The following GCFC2 variants were observed in gnomAD, a reference collection of about 807,000 sequenced individuals.
GCFC2 encodes the protein GC-rich sequence DNA-binding factor 2, also known as intron Large complex component GCFC2.
Under a neutral mutation model 99.4 loss-of-function variants are expected in GCFC2, and 102 were observed. The observed-to-expected ratio is 1.03, with a 90% confidence interval of 0.87 to 1.21. GCFC2 has a LOEUF of 1.21. Ranked by LOEUF, GCFC2 falls within the 50% of genes most tolerant of loss-of-function variation. The pLI is 0.00. For missense variants in GCFC2, 973 were observed against 920.9 expected, an observed-to-expected ratio of 1.06 and a Z score of -0.73; for synonymous variants, 338 against 316.8, an observed-to-expected ratio of 1.07 and a Z score of -0.71.
chr2:75,697,695 T>C (rs973768637), intron 4 of GCFC2: 1 of 152,256 alleles, frequency 6.6e-6, no homozygotes, highest in African/African-American at 2.4e-5. Context: ...TGGCAAAAGA[T>C]GTAATTAAGA....
upstream of GCFC2, among the ~76,000 whole-genome samples, chr2:75,712,570 C>T (rs902781383): frequency 3.3e-5 from 5 of 152,134 alleles, no homozygotes; most frequent in African/African-American, 1.2e-4. Flanking sequence ...CAGTGGCAAC[C>T]CGCTCCGGTC....
At chr2:75,710,357 G>T in intron 1 of GCFC2, 1 of 973,436 alleles carries the variant, frequency 1.0e-6, no homozygotes. Context: ...CCTCCCAACT[G>T]TACACGATTG....
intron 11 of GCFC2, among the ~76,000 whole-genome samples, chr2:75,680,592 A>T (rs2104284597): frequency 6.6e-6 from 1 of 152,228 alleles, no homozygotes; most frequent in Admixed American, 6.5e-5. Flanking sequence ...TGGCTGGAAA[A>T]ACAAACACAT....
chr2:75,678,974 G>C (rs1179012294), intron 12 of GCFC2, among the ~76,000 whole-genome samples: 1 of 152,134 alleles, frequency 6.6e-6, no homozygotes, highest in Admixed American at 6.5e-5. Flanking sequence ...AGATATACAG[G>C]CGTGATCTGC....
Position 75,673,529 on chromosome 2 carries a change from A to T in GCFC2, c.1813-9T>A. 8.9e-7 allele frequency: 1 copy of T among 1,121,528 alleles called. No individual in the cohort carries two copies. Among genetic ancestry groups the T allele is most frequent in the Non-Finnish European group, 1.4e-6 (1 of 735,798 alleles). 69.5% of individuals were successfully genotyped at this position (1,121,528 alleles called of 1,614,324 possible). On this transcript the variant is annotated splice_polypyrimidine_tract_variant and intron_variant, in intron 12 of 16. Coordinates refer to ENST00000321027, the MANE Select transcript of GCFC2 (RefSeq NM_003203.5). ...ATGGATTTAAGTAAATCCTATTATT[A>T]CAAATTTGAAAAGCATCAGTGATAG...
intron 2 of GCFC2, 53 bp downstream of exon 2, chr2:75,706,470 A>G (rs1024932556): frequency 8.3e-6 from 10 of 1,200,854 alleles, no homozygotes; most frequent in African/African-American, 4.5e-5. Context: ...AACTATATCA[A>G]AAACACTATA....
chr2:75,689,263 G>A, intron 9 of GCFC2, 38 bp from the exon 10 acceptor site: 1 of 1,179,730 alleles, frequency 8.5e-7, no homozygotes. Context: ...ATTTTAAGTT[G>A]TGAACTTTAA....
chr2:75,664,774 G>T lies in GCFC2; in HGVS notation c.2238C>A (p.Val746=). The change falls in exon 17 of 17, where the codon GTC becomes GTA. Residue 746 remains valine (V), a synonymous_variant. Transcript: ENST00000321027. ...KLSRSEFRDE[V]EEIILILVKI... ...TCACCAAAATAAGAATTATTTCTTC[G>T]ACTTCATCCCTGAAAAACAAAACAA... The T allele has an allele frequency of 6.7e-7, 1 of 1,489,840 alleles. No homozygotes were observed. Among genetic ancestry groups the T allele is most frequent in the South Asian group, 1.1e-5 (1 of 87,786 alleles). The allele number at this position is 1,489,840 out of a possible 1,614,324, so 92.3% of individuals were successfully genotyped here. A position where few individuals can be genotyped will look rare whatever the true frequency, so the allele number is the denominator to read the frequency against.
At chr2:75,693,989 G>A (rs1337320381) in intron 6 of GCFC2, among the ~76,000 whole-genome samples, 1 of 151,656 alleles carries the variant, frequency 6.6e-6, no homozygotes, top group Non-Finnish European at 1.5e-5. Flanking sequence ...TCATTTTCAA[G>A]GAATTTTCCT....
rs145493223 is a variant in GCFC2, at chr2:75,673,796, G to A, written c.1813-276C>T. On this transcript the variant is annotated intron_variant, in intron 12 of 16. Transcript: ENST00000321027. ...TTTGGTGGCTATTATAAATAATGCTGCCATAAAAATTCTTGTACATGTCAT... is the reference window on the plus strand; with the variant it reads ...TTTGGTGGCTATTATAAATAATGCTACCATAAAAATTCTTGTACATGTCAT... Among the ~76,000 whole-genome samples the A allele has an allele frequency of 1.5e-3, 233 of 152,212 alleles. 2 individuals are homozygous for A. The highest frequency in any genetic ancestry group is 2.7e-3 in the Non-Finnish European group (184 of 68,014).
chr2:75,692,716 A>T (rs1680141629), intron 6 of GCFC2, among the ~76,000 whole-genome samples: 1 of 151,264 alleles, frequency 6.6e-6, no homozygotes, highest in South Asian at 2.1e-4. Context: ...GAGATAGAAG[A>T]TTTTTTTTTG....
chr2:75,677,394 T>C (rs1679388805), intron 12 of GCFC2, among the ~76,000 whole-genome samples: 1 of 152,170 alleles, frequency 6.6e-6, no homozygotes, highest in Non-Finnish European at 1.5e-5. Flanking sequence ...CATGGGGCAT[T>C]ATATAGTGTA....
At position 75,703,075 on chromosome 2, in the gene GCFC2, AAG is replaced by A. The variant is rs1394978842; in HGVS notation, c.395-654_395-653del. ...AAAATTTTAAATGACAACAACTCTT[AAG>A]AGAGTCTTATTTTTTTTCTTTATTT... is the stretch of plus-strand genomic sequence containing the variant. On this transcript the variant is annotated intron_variant, in intron 2 of 16. Coordinates refer to ENST00000321027, the MANE Select transcript of GCFC2 (RefSeq NM_003203.5). 3.3e-5 allele frequency among the ~76,000 whole-genome samples: 5 copies of A among 152,206 alleles called. No homozygotes were observed. In the East Asian group the frequency reaches 5.8e-4, roughly 18 times the overall value.
In GCFC2 at chr2:75,685,844, T is replaced by C. The variant is rs372002902; in HGVS notation, c.1690+1983A>G. Among the ~76,000 whole-genome samples, 52 of 152,300 alleles carry C rather than the reference T, an allele frequency of 3.4e-4. 1 individual carries two copies. In the South Asian group the frequency reaches 1.0e-2, roughly 29 times the overall value. On this transcript the variant is annotated intron_variant, in intron 11 of 16. Coordinates refer to ENST00000321027, the MANE Select transcript of GCFC2 (RefSeq NM_003203.5). ...CAACATGTCCCAAACTGAGCTGCTA[T>C]GCTAATACAGCTCCCCACATTAAGC...
At chr2:75,698,366 TTAAA>T (rs1300936391) in intron 4 of GCFC2, among the ~76,000 whole-genome samples, 3 of 152,160 alleles carry the variant, frequency 2.0e-5, no homozygotes, top group African/African-American at 2.4e-5. Flanking sequence ...AGGAAAATAA[TTAAA>T]TATTCACTGA....
rs972680078 is a variant in GCFC2 at position 75,669,403 on chromosome 2, A to G, written c.2103+735T>C. On this transcript the variant is annotated intron_variant, in intron 15 of 16. Transcript: ENST00000321027. ...AATCCCAATACCTTTTTGATCCACT[A>G]AAGTTTTATATTTTTTCAAATTTAT... Among the ~76,000 whole-genome samples, 8 of 152,138 alleles carry G rather than the reference A, an allele frequency of 5.3e-5. No individual in the cohort carries two copies. In the South Asian group the frequency reaches 8.3e-4, roughly 16 times the overall value.
At position 75,702,358 on chromosome 2, in the gene GCFC2, C is replaced by T. The variant is rs2104403821; in HGVS notation, c.460G>A (p.Asp154Asn). The part of the protein sequence containing the change: ...RRKRELARAQ[D>N]DYISLDVQHT... Reference sequence around the variant, plus strand: ...TGTACATCCAAAGAAATATAGTCATCTTGGGCCCTGGCCAATTCACGTTTT... The same window carrying T: ...TGTACATCCAAAGAAATATAGTCATTTTGGGCCCTGGCCAATTCACGTTTT... Residue 154 changes from aspartate to asparagine, a missense_variant, in exon 3 of 17, where the codon GAT becomes AAT. Asp to Asn is a conservative substitution (Grantham distance 23). Coordinates refer to ENST00000321027, the MANE Select transcript of GCFC2 (RefSeq NM_003203.5). The T allele has an allele frequency of 1.2e-6, 2 of 1,612,600 alleles. No homozygotes were observed. Among genetic ancestry groups the T allele is most frequent in the East Asian group, 4.5e-5 (2 of 44,876 alleles).
At chr2:75,666,722 A>AG (rs1678851816) in intron 15 of GCFC2, among the ~76,000 whole-genome samples, 1 of 151,972 alleles carries the variant, frequency 6.6e-6, no homozygotes, top group African/African-American at 2.4e-5. Flanking sequence ...GTAAAAAAAA[A>AG]AAAAACTTCC....
At chr2:75,679,334 G>A (rs1475991012) in intron 12 of GCFC2, among the ~76,000 whole-genome samples, 4 of 151,966 alleles carry the variant, frequency 2.6e-5, no homozygotes, top group African/African-American at 4.8e-5. Flanking sequence ...TCTACTCCGG[G>A]CATTCTCCAG....
Sources: allele counts gnomAD v4.1 joint callset (sites outside exome capture counted in the v4.1 genomes callset), GRCh38; gene constraint gnomAD v4.1.1; transcripts MANE v1.5; gene names NCBI Gene and HGNC (gene_info 2026-07-23, HGNC 2026-07-21).